Variants in PRIM2 observed in about 807,000 individuals in gnomAD.
PRIM2 encodes the protein DNA primase subunit 2.
A neutral mutation model predicts 67.3 loss-of-function variants in PRIM2; 39 were observed. That is an observed-to-expected ratio of 0.58 (90% confidence interval 0.45 to 0.76). The LOEUF is 0.76. Ranked by LOEUF, PRIM2 falls within the 30% of genes least tolerant of loss-of-function variation. The pLI, the probability that PRIM2 is intolerant of heterozygous loss-of-function variation, is 0.00. For synonymous variants in PRIM2, 143 were observed against 198.7 expected, an observed-to-expected ratio of 0.72 and a Z score of 2.36; for missense variants, 398 against 598.7, an observed-to-expected ratio of 0.66 and a Z score of 3.50.
chr6:57,529,091 A>C (rs1206605658), intron 8 of PRIM2, among the ~76,000 whole-genome samples: 9 of 151,832 alleles, frequency 5.9e-5, no homozygotes, highest in Non-Finnish European at 2.9e-5. Flanking sequence ...TGGGTGGATT[A>C]CGAGGTCAGG....
chr6:57,335,291 G>A (rs1297970760), intron 5 of PRIM2, among the ~76,000 whole-genome samples: 12 of 151,092 alleles, frequency 7.9e-5, no homozygotes, highest in Admixed American at 2.0e-4. Context: ...GGGGAGGGGC[G>A]CCCGCCATTG....
the PRIM2 span, among the ~76,000 whole-genome samples, chr6:57,275,443 C>G: frequency 1.3e-5 from 2 of 152,114 alleles, no homozygotes; most frequent in African/African-American, 2.4e-5. Flanking sequence ...GAGCCAAGAT[C>G]GTGCCATTGC....
rs1771536703 is a variant in PRIM2, at chr6:57,423,778, G to GAGT, written c.693+41615_693+41617dup. 2.6e-5 allele frequency among the ~76,000 whole-genome samples: 4 copies of GAGT among 152,180 alleles called. No individual in the cohort carries two copies. In the South Asian group the frequency reaches 8.3e-4, roughly 32 times the overall value. Reference sequence around the variant, plus strand: ...TGCTGCCTGGTGGGTATATCCCCTAGAGTAGTACTCACTGTGATTAAGGGT... The same window carrying GAGT: ...TGCTGCCTGGTGGGTATATCCCCTAGAGTAGTAGTACTCACTGTGATTAAGGGT... On this transcript the variant is annotated intron_variant, in intron 7 of 13. Coordinates refer to ENST00000615550, the MANE Select transcript of PRIM2 (RefSeq NM_000947.5).
intron 5 of PRIM2, among the ~76,000 whole-genome samples, chr6:57,340,985 TTTTA>T (rs1328809397): frequency 6.6e-6 from 1 of 152,214 alleles, no homozygotes; most frequent in Non-Finnish European, 1.5e-5. Context: ...GTTTGCCATA[TTTTA>T]TTTATTTATA....
chr6:57,355,845 T>G (rs1769014794), intron 5 of PRIM2, among the ~76,000 whole-genome samples: 1 of 152,076 alleles, frequency 6.6e-6, no homozygotes, highest in African/African-American at 2.4e-5. Flanking sequence ...TTTTGCCATG[T>G]TGCCTGGGCT....
intron 7 of PRIM2, among the ~76,000 whole-genome samples, chr6:57,457,309 C>G (rs1423019259): frequency 2.0e-5 from 3 of 152,222 alleles, no homozygotes; most frequent in Non-Finnish European, 2.9e-5. Flanking sequence ...CTACTCTCTT[C>G]AAAGCTGTCA....
At chr6:57,242,138 G>A in the PRIM2 span, among the ~76,000 whole-genome samples, 1 of 152,084 alleles carries the variant, frequency 6.6e-6, no homozygotes, top group Non-Finnish European at 1.5e-5. Flanking sequence ...CTGGTACAAG[G>A]TAATGAGATC....
chr6:57,493,947 G>A (rs1773950868), intron 7 of PRIM2: 1 of 152,156 alleles, frequency 6.6e-6, no homozygotes, highest in African/African-American at 2.4e-5. Flanking sequence ...AACACTATCA[G>A]TGTGATTGTG....
chr6:57,480,191 T>C (rs1320842303), intron 7 of PRIM2, among the ~76,000 whole-genome samples: 2 of 152,174 alleles, frequency 1.3e-5, no homozygotes, highest in East Asian at 3.9e-4. Flanking sequence ...TGTGAGGAGG[T>C]TGAAGTCTGA....
intron 5 of PRIM2, among the ~76,000 whole-genome samples, chr6:57,338,269 T>C (rs1283819082): frequency 6.6e-6 from 1 of 152,146 alleles, no homozygotes; most frequent in Non-Finnish European, 1.5e-5. Context: ...AGCTGAATTC[T>C]ACCAGAGGTA....
intron 7 of PRIM2, among the ~76,000 whole-genome samples, chr6:57,400,941 T>C (rs1324670942): frequency 1.3e-5 from 2 of 152,244 alleles, no homozygotes; most frequent in Non-Finnish European, 2.9e-5. Context: ...TCTTGTATTG[T>C]GTTATTCAGC....
intron 12 of PRIM2, among the ~76,000 whole-genome samples, chr6:57,615,518 T>A (rs1295365904): frequency 1.3e-5 from 2 of 152,220 alleles, no homozygotes; most frequent in Non-Finnish European, 2.9e-5. Flanking sequence ...AAGAAGTTTT[T>A]TCTATTGTGG....
chr6:57,559,537 C>T (rs1350583725), intron 10 of PRIM2, among the ~76,000 whole-genome samples: 1 of 152,162 alleles, frequency 6.6e-6, no homozygotes, highest in Non-Finnish European at 1.5e-5. Flanking sequence ...GATAAATTTA[C>T]TTGCTGATTT....
chr6:57,295,861 C>T, the PRIM2 span, among the ~76,000 whole-genome samples: 1 of 152,240 alleles, frequency 6.6e-6, no homozygotes, highest in South Asian at 2.1e-4. Context: ...CTTCCCAACA[C>T]CCGGATTAAA....
chr6:57,382,649 G>A (rs969412585), intron 7 of PRIM2: 1 of 152,290 alleles, frequency 6.6e-6, no homozygotes, highest in African/African-American at 2.4e-5. Flanking sequence ...AGGTAGCTGT[G>A]TTGAACAAAT....
At chr6:57,462,487 T>C (rs1773040410) in intron 7 of PRIM2, among the ~76,000 whole-genome samples, 1 of 152,222 alleles carries the variant, frequency 6.6e-6, no homozygotes, top group Admixed American at 6.5e-5. Context: ...TTGTTACCAG[T>C]TGTCAGAACT....
intron 5 of PRIM2, among the ~76,000 whole-genome samples, chr6:57,340,087 CA>C (rs1416824493): frequency 1.3e-5 from 2 of 151,974 alleles, no homozygotes; most frequent in South Asian, 2.1e-4. Context: ...TTTATGCAGC[CA>C]AAAAACACAT....
At chr6:57,474,384 C>T (rs1773422251) in intron 7 of PRIM2, among the ~76,000 whole-genome samples, 1 of 151,912 alleles carries the variant, frequency 6.6e-6, no homozygotes, top group African/African-American at 2.4e-5. Flanking sequence ...CCTTGTTAGC[C>T]AGGATGGTCT....
At chr6:57,592,141 G>A (rs1363371178) in intron 10 of PRIM2, among the ~76,000 whole-genome samples, 1 of 151,984 alleles carries the variant, frequency 6.6e-6, no homozygotes, top group African/African-American at 2.4e-5. Context: ...ACATAAATAT[G>A]GGAATAATAG....
Sources: allele counts gnomAD v4.1 joint callset (sites outside exome capture counted in the v4.1 genomes callset), GRCh38; gene constraint gnomAD v4.1.1; transcripts MANE v1.5; gene names NCBI Gene and HGNC (gene_info 2026-07-23, HGNC 2026-07-21).